The following BIRC2 variants were observed in gnomAD, a reference collection of about 807,000 sequenced individuals.
BIRC2 encodes baculoviral IAP repeat-containing protein 2.
In BIRC2, 18 loss-of-function variants were observed where a neutral mutation model predicts 60.9. The ratio of observed to expected loss-of-function variants is 0.30; its 90% confidence interval spans 0.20 to 0.44. The LOEUF (loss-of-function observed/expected upper bound fraction) is 0.44. Among genes scored for constraint, BIRC2 ranks in the 20% least tolerant of loss-of-function variants. The probability of loss-of-function intolerance (pLI) is 1.00; values close to 1 mark genes in which losing one functional copy is unlikely to be tolerated. For missense variants in BIRC2, 701 were observed against 728.5 expected, an observed-to-expected ratio of 0.96 and a Z score of 0.43; for synonymous variants, 282 against 247.7, an observed-to-expected ratio of 1.14 and a Z score of -1.30.
At chr11:102,360,021 C>CA (rs1565334032) in intron 3 of BIRC2, among the ~76,000 whole-genome samples, 3 of 151,130 alleles carry the variant, frequency 2.0e-5, no homozygotes, top group African/African-American at 7.3e-5. Flanking sequence ...GGCTGGAGTG[C>CA]AGTGGCATGA....
intron 6 of BIRC2, among the ~76,000 whole-genome samples, chr11:102,371,318 CTTA>C: frequency 7.9e-6 from 1 of 126,896 alleles, no homozygotes; most frequent in South Asian, 2.9e-4. Context: ...ATAGATAGCT[CTTA>C]TTATTTTGAA....
rs972475434 is a variant in BIRC2, at chr11:102,349,539, G to T, written c.-316G>T. On this transcript the variant is annotated 5_prime_UTR_variant, in exon 2 of 9. Transcript: ENST00000227758. The stretch of plus-strand genomic sequence containing the variant: ...ATATAAATCTCTGTGAAAAATCAAG[G>T]AGTTTTAATATTTTCAGAAGTGCAT... The T allele has an allele frequency of 1.0e-5, 2 of 195,708 alleles. No homozygotes were observed. Among genetic ancestry groups the T allele is most frequent in the East Asian group, 1.2e-4 (1 of 8,144 alleles). 12.1% of individuals were successfully genotyped at this position (195,708 alleles called of 1,614,324 possible). A position where few individuals can be genotyped will look rare whatever the true frequency, so the allele number is the denominator to read the frequency against.
Position 102,364,174 on chromosome 11 carries a change from T to TATATATATATATAC in BIRC2, c.1123+459_1123+460insTATATATATATACA, listed in dbSNP as rs1389968594. Among the ~76,000 whole-genome samples the TATATATATATATAC allele has an allele frequency of 5.8e-3, 453 of 77,644 alleles. 5 individuals carry two copies. The highest frequency in any genetic ancestry group is 0.011 in the African/African-American group (168 of 14,704). 50.9% of individuals were successfully genotyped at this position (77,644 alleles called of 152,430 possible). On this transcript the variant is annotated intron_variant, in intron 5 of 8. Transcript: ENST00000227758. Reference sequence around the variant, plus strand: ...ATATATATATATATATATATATATATACACACACACACAGAGAGAGAGAGA... The same window carrying TATATATATATATAC: ...ATATATATATATATATATATATATATATATATATATATACACACACACACACAGAGAGAGAGAGA...
chr11:102,376,168 G>A (rs1034361824), intron 6 of BIRC2, among the ~76,000 whole-genome samples: 12 of 152,182 alleles, frequency 7.9e-5, no homozygotes, highest in Non-Finnish European at 1.5e-4. Context: ...AGATTTGGCA[G>A]TGTTAATAGG....
chr11:102,377,614 T>C lies in BIRC2; in HGVS notation c.1485T>C (p.Ile495=). The change falls in exon 7 of 9, where the codon ATT becomes ATC. Residue 495 remains isoleucine (I), a synonymous_variant. Coordinates refer to ENST00000227758, the MANE Select transcript of BIRC2 (RefSeq NM_001166.5). ...TAATTAATAAACAGGAACATGATAT[T>C]ATTAAACAAAAAACACAGATACCTT... ...ANVINKQEHD[I]IKQKTQIPLQ... is the part of the protein sequence containing the mutation. 6.2e-7 allele frequency: 1 copy of C among 1,612,070 alleles called. No homozygotes were observed. Among genetic ancestry groups the C allele is most frequent in the South Asian group, 1.1e-5 (1 of 90,574 alleles).
intron 6 of BIRC2, among the ~76,000 whole-genome samples, chr11:102,369,433 C>T (rs1464912868): frequency 2.6e-5 from 4 of 151,046 alleles, no homozygotes; most frequent in African/African-American, 7.3e-5. Flanking sequence ...TTCGTTCTTG[C>T]GATAGTTTAC....
At chr11:102,373,101 T>TGATC (rs1157791516) in intron 6 of BIRC2, among the ~76,000 whole-genome samples, 2 of 150,524 alleles carry the variant, frequency 1.3e-5, no homozygotes, top group South Asian at 2.1e-4. Flanking sequence ...AGCACACTGA[T>TGATC]GGGTCTTGAC....
intron 6 of BIRC2, among the ~76,000 whole-genome samples, chr11:102,375,585 C>A (rs902184988): frequency 6.6e-6 from 1 of 152,204 alleles, no homozygotes; most frequent in African/African-American, 2.4e-5. Context: ...TTGAGACCAT[C>A]CTGGCTAACA....
chr11:102,375,919 T>C (rs2135826085), intron 6 of BIRC2, among the ~76,000 whole-genome samples: 1 of 152,104 alleles, frequency 6.6e-6, no homozygotes, highest in South Asian at 2.1e-4. Flanking sequence ...TTAAATGAGA[T>C]ATTGCAAATA....
At chr11:102,361,141 C>A (rs565197225) in intron 3 of BIRC2, among the ~76,000 whole-genome samples, 2 of 152,216 alleles carry the variant, frequency 1.3e-5, no homozygotes, top group South Asian at 4.2e-4. Flanking sequence ...TCTCTGATGG[C>A]GTGGACACCT....
Position 102,377,497 on chromosome 11 carries a change from T to A in BIRC2, c.1368T>A (p.Asp456Glu). Residue 456 changes from aspartate (D) to glutamate (E), a missense_variant and splice_region_variant, in exon 7 of 9, where the codon GAT becomes GAA. Transcript: ENST00000227758. ...TTTCTTTTTCTTTTTTTAATGAAGATGATTTGTCATTAATTCGGAAGAACA... is the reference window on the plus strand; with the variant it reads ...TTTCTTTTTCTTTTTTTAATGAAGAAGATTTGTCATTAATTCGGAAGAACA... ...KEKQAEEMASDDLSLIRKNRM... is the reference protein window; with the variant it reads ...KEKQAEEMASEDLSLIRKNRM... 3.1e-6 allele frequency: 5 copies of A among 1,587,486 alleles called. No individual in the cohort carries two copies. In the African/African-American group the frequency reaches 5.5e-5, roughly 17 times the overall value.
chr11:102,358,894 C>G (rs1951453919), intron 3 of BIRC2, among the ~76,000 whole-genome samples: 1 of 152,118 alleles, frequency 6.6e-6, no homozygotes. Context: ...GTAGCTGAAT[C>G]TTGTTTTCTT....
At chr11:102,347,877 C>G (rs1204755857) in intron 1 of BIRC2, 1 of 152,212 alleles carries the variant, frequency 6.6e-6, no homozygotes, top group African/African-American at 2.4e-5. Flanking sequence ...CTTTTCCCTT[C>G]CATCCTATCC....
At chr11:102,364,882 G>A (rs562041570) in intron 5 of BIRC2, among the ~76,000 whole-genome samples, 1 of 152,348 alleles carries the variant, frequency 6.6e-6, no homozygotes, top group Admixed American at 6.5e-5. Context: ...AGTGTGGGCT[G>A]TTCTTAAAAT....
At position 102,348,637 on chromosome 11, in the gene BIRC2, C is replaced by A; in HGVS notation, c.-1218C>A. The stretch of plus-strand genomic sequence containing the variant: ...AGAATCTCCCTATCCCTATTTTGTC[C>A]CCCTGCAGTAATAAATCCCATTATG... On this transcript the variant is annotated 5_prime_UTR_variant, in exon 2 of 9. Coordinates refer to ENST00000227758, the MANE Select transcript of BIRC2 (RefSeq NM_001166.5). 2 of 298,414 alleles carry A rather than the reference C, an allele frequency of 6.7e-6. No individual in the cohort carries two copies. Among genetic ancestry groups the A allele is most frequent in the South Asian group, 2.9e-5 (1 of 35,054 alleles). The allele number at this position is 298,414 out of a possible 1,614,324, so 18.5% of individuals were successfully genotyped here.
chr11:102,374,034 C>G (rs1951669114), intron 6 of BIRC2, among the ~76,000 whole-genome samples: 1 of 141,256 alleles, frequency 7.1e-6, no homozygotes, highest in Admixed American at 7.0e-5. Context: ...CCTTTAAGCA[C>G]TTCTCTGTAT....
chr11:102,351,061 A>T (rs1048511826), intron 3 of BIRC2, 118 bp downstream of exon 3: 1 of 882,476 alleles, frequency 1.1e-6, no homozygotes, highest in Admixed American at 2.4e-5. Context: ...GCCATTGGGG[A>T]ATTATCCTTC....
intron 3 of BIRC2, among the ~76,000 whole-genome samples, chr11:102,360,694 T>C (rs1951475609): frequency 6.6e-6 from 1 of 152,040 alleles, no homozygotes; most frequent in South Asian, 2.1e-4. Context: ...TTCTTTTTTT[T>C]TTTTTCTTTC....
intron 3 of BIRC2, among the ~76,000 whole-genome samples, chr11:102,352,654 C>G (rs1163882768): frequency 6.6e-6 from 1 of 152,026 alleles, no homozygotes; most frequent in Non-Finnish European, 1.5e-5. Context: ...TGGTCTTGAA[C>G]TCCTGAGCTC....
Sources: gnomAD v4.1 joint callset for allele counts (sites outside exome capture counted in the v4.1 genomes callset) on GRCh38, gnomAD v4.1.1 for gene constraint, MANE v1.5 for transcripts, NCBI Gene and HGNC (gene_info 2026-07-23, HGNC 2026-07-21) for gene names.